MGLL: variants seen among roughly 807,000 people sequenced by gnomAD.
The protein encoded by MGLL is monoglyceride lipase.
A neutral mutation model predicts 29.1 loss-of-function variants in MGLL; 7 were observed. The ratio of observed to expected loss-of-function variants is 0.24; its 90% CI spans 0.14 to 0.45. The LOEUF is 0.45. Among genes scored for constraint, MGLL ranks in the 20% least tolerant of loss-of-function variants. The probability of loss-of-function intolerance (pLI) is 0.99; values close to 1 mark genes in which losing one functional copy is unlikely to be tolerated. For missense variants in MGLL, 356 were observed against 413.6 expected (o/e 0.86, Z 1.21); for synonymous variants, 148 against 168.3 (o/e 0.88, Z 0.93).
At chr3:127,725,408 C>T (rs1036895132) in intron 3 of MGLL, among the ~76,000 whole-genome samples, 2 of 152,118 alleles carry the variant, frequency 1.3e-5, no homozygotes, top group Non-Finnish European at 2.9e-5. Context: ...GTCCCTTTCC[C>T]ACTTCCTCCC....
At chr3:127,785,948 G>A (rs1417939740) in intron 2 of MGLL, among the ~76,000 whole-genome samples, 2 of 152,224 alleles carry the variant, frequency 1.3e-5, no homozygotes, top group Non-Finnish European at 2.9e-5. Context: ...GCCAGGGAAG[G>A]CCCCTGAGTG....
chr3:127,771,289 C>A (rs2076943898), intron 3 of MGLL, among the ~76,000 whole-genome samples: 1 of 152,190 alleles, frequency 6.6e-6, no homozygotes, highest in African/African-American at 2.4e-5. Flanking sequence ...CGACCATCCT[C>A]CCTCTGGTCC....
chr3:127,806,798 G>A (rs536961741), intron 2 of MGLL, among the ~76,000 whole-genome samples: 10 of 152,180 alleles, frequency 6.6e-5, no homozygotes, highest in East Asian at 1.9e-4. Flanking sequence ...AGGCCGAGGC[G>A]GGTGGATCAC....
At position 127,761,715 on chromosome 3, in the gene MGLL, C is replaced by G. The variant is rs2076768458; in HGVS notation, c.262+20074G>C. ...CCGTGGGCAGAGCTGGACTGCCACGCAGGCTGCCTCCCTCCTGGCACGTTC... is the reference window on the plus strand; with the variant it reads ...CCGTGGGCAGAGCTGGACTGCCACGGAGGCTGCCTCCCTCCTGGCACGTTC... On this transcript the variant is annotated intron_variant, in intron 3 of 7. Coordinates refer to ENST00000265052, the MANE Select transcript of MGLL (RefSeq NM_007283.7). This position sits in a 1 kb window ranked among gnomAD's most constrained non-coding sequence, Gnocchi z 4.6. Among the ~76,000 whole-genome samples, 1 of 152,242 alleles carries G rather than the reference C, an allele frequency of 6.6e-6. No homozygotes were observed. The highest frequency in any genetic ancestry group is 2.4e-5 in the African/African-American group (1 of 41,454).
At chr3:127,746,110 C>T (rs1190438925) in intron 3 of MGLL, among the ~76,000 whole-genome samples, 2 of 152,078 alleles carry the variant, frequency 1.3e-5, no homozygotes, top group Non-Finnish European at 2.9e-5. Flanking sequence ...CCAACAGCAC[C>T]GGCCAGGGAG....
Position 127,695,047 on chromosome 3 carries a change from G to A in MGLL, c.744C>T (p.Ala248=), listed in dbSNP as rs778935245. ...CCCCTTTGCTGTCACATAGGCGATC[G>A]GCAGAGCCCTGGAGCAGCAGGAAGG... ...TVPFLLLQGS[A]DRLCDSKGAY... is the part of the protein sequence containing the mutation. The change falls in exon 7 of 8, where the codon GCC becomes GCT. Residue 248 remains alanine, a synonymous_variant. Transcript: ENST00000265052. The A allele has an allele frequency of 3.7e-5, 60 of 1,613,986 alleles. 1 individual carries two copies. Among genetic ancestry groups the A allele is most frequent in the Middle Eastern group, 1.6e-4 (1 of 6,084 alleles).
intron 2 of MGLL, among the ~76,000 whole-genome samples, chr3:127,797,092 C>G (rs74634676): frequency 0.012 from 1,757 of 152,180 alleles, 23 homozygotes; most frequent in South Asian, 0.024. Flanking sequence ...AGAGGAGAAG[C>G]CTGTGATGCT....
chr3:127,769,841 C>T (rs917537464), intron 3 of MGLL, among the ~76,000 whole-genome samples: 8 of 152,188 alleles, frequency 5.3e-5, no homozygotes, highest in African/African-American at 1.9e-4. Context: ...CCCGAAGCCC[C>T]GTCAGAGTGC....
At chr3:127,774,970 C>CAA (rs10623100) in intron 3 of MGLL, among the ~76,000 whole-genome samples, 130,708 of 152,032 alleles carry the variant, frequency 0.86, 56,550 homozygotes, top group Middle Eastern at 0.95. Context: ...TTTTGTTCAA[C>CAA]AGAGGCAAAT....
At chr3:127,776,128 G>A (rs185433194) in intron 3 of MGLL, among the ~76,000 whole-genome samples, 8 of 152,236 alleles carry the variant, frequency 5.3e-5, no homozygotes, top group Admixed American at 5.2e-4. Context: ...CTCCCTCATG[G>A]GCTCTACTCT....
At chr3:127,804,322 G>C (rs911050534) in intron 2 of MGLL, among the ~76,000 whole-genome samples, 1 of 152,232 alleles carries the variant, frequency 6.6e-6, no homozygotes, top group African/African-American at 2.4e-5. Flanking sequence ...CCACGGGGCG[G>C]ACCAGACCCG....
chr3:127,798,821 G>A (rs1037638348), intron 2 of MGLL, among the ~76,000 whole-genome samples: 2 of 152,134 alleles, frequency 1.3e-5, no homozygotes, highest in African/African-American at 2.4e-5. Flanking sequence ...GTAGGAGGCT[G>A]GGCTCCACAG....
At chr3:127,720,526 T>C (rs1187966039) in intron 5 of MGLL, among the ~76,000 whole-genome samples, 1 of 152,196 alleles carries the variant, frequency 6.6e-6, no homozygotes, top group Non-Finnish European at 1.5e-5. Flanking sequence ...AGAGTCCCAG[T>C]ACCTACAGGG....
At chr3:127,752,283 G>A (rs2076573926) in intron 3 of MGLL, among the ~76,000 whole-genome samples, 1 of 152,160 alleles carries the variant, frequency 6.6e-6, no homozygotes, top group Admixed American at 6.5e-5. Context: ...ATTTTTAGTA[G>A]AGATGGGGTT....
intron 3 of MGLL, among the ~76,000 whole-genome samples, chr3:127,750,548 C>A (rs1421736624): frequency 1.3e-5 from 2 of 152,006 alleles, no homozygotes; most frequent in Non-Finnish European, 2.9e-5. Context: ...GAGGCCAGGG[C>A]CCCTGGGACT....
At chr3:127,706,843 G>A (rs1287709400) in intron 6 of MGLL, among the ~76,000 whole-genome samples, 3 of 152,216 alleles carry the variant, frequency 2.0e-5, no homozygotes, top group Admixed American at 2.0e-4. Flanking sequence ...CAGTGTGGGA[G>A]GCTGAAGCCC....
At chr3:127,768,694 T>C (rs1166203464) in intron 3 of MGLL, among the ~76,000 whole-genome samples, 1 of 152,154 alleles carries the variant, frequency 6.6e-6, no homozygotes, top group African/African-American at 2.4e-5. Flanking sequence ...TATCCTTTCC[T>C]CTCTTCTTCC....
rs562523666 is a variant in MGLL at position 127,718,406 on chromosome 3, G to A, written c.510+2647C>T. On this transcript the variant is annotated intron_variant, in intron 5 of 7. Coordinates refer to ENST00000265052, the MANE Select transcript of MGLL (RefSeq NM_007283.7). Reference sequence around the variant, plus strand: ...ACCAAACAGATTTCCCAAACAGAACGCTAGAGGGAGGAGGTGGGCTCTAGG... The same window carrying A: ...ACCAAACAGATTTCCCAAACAGAACACTAGAGGGAGGAGGTGGGCTCTAGG... 5.9e-5 allele frequency among the ~76,000 whole-genome samples: 9 copies of A among 152,294 alleles called. No individual in the cohort carries two copies. In the South Asian group the frequency reaches 1.9e-3, roughly 32 times the overall value.
At chr3:127,781,724 C>T in intron 3 of MGLL, 65 bp downstream of exon 3, 1 of 1,357,042 alleles carries the variant, frequency 7.4e-7, no homozygotes, top group Non-Finnish European at 1.1e-6. Flanking sequence ...GTGAGATGGA[C>T]TAGAGAGGGA....
Sources: gnomAD v4.1 joint callset for allele counts (sites outside exome capture counted in the v4.1 genomes callset) on GRCh38, gnomAD v4.1.1 for gene constraint, Gnocchi (gnomAD v3.1) non-coding constraint, MANE v1.5 for transcripts, NCBI Gene and HGNC (gene_info 2026-07-23, HGNC 2026-07-21) for gene names.